The following ADAMTSL1 variants were observed in gnomAD, a reference collection of about 807,000 sequenced individuals.
The protein encoded by ADAMTSL1 is ADAMTS like 1.
Under a neutral mutation model 201.8 loss-of-function variants are expected in ADAMTSL1, and 126 were observed. The observed-to-expected ratio is 0.62, with a 90% CI of 0.54 to 0.72. ADAMTSL1 has a LOEUF of 0.72. ADAMTSL1 is among the 30% of genes least tolerant of loss of function. The pLI, the probability that ADAMTSL1 is intolerant of heterozygous loss-of-function variation, is 0.00. For synonymous variants in ADAMTSL1, 1,121 were observed against 903.4 expected (o/e 1.24, Z -4.32); for missense variants, 2,679 against 2,277.8 (o/e 1.18, Z -3.59).
chr9:18,235,059 C>A (rs1018279061), intron 2 of ADAMTSL1, among the ~76,000 whole-genome samples: 2 of 152,140 alleles, frequency 1.3e-5, no homozygotes, highest in African/African-American at 4.8e-5. Context: ...TAACCAAATC[C>A]TAAATGTTTT....
chr9:18,639,417 C>A lies in ADAMTSL1; in HGVS notation c.834+6C>A. 1 of 1,610,056 alleles carries A rather than the reference C, an allele frequency of 6.2e-7. No individual in the cohort carries two copies. Among genetic ancestry groups the A allele is most frequent in the Admixed American group, 1.7e-5 (1 of 59,432 alleles). ...CAGCAGATTTCATTGTCAAGGTGAG[C>A]CCTATTTAGATACCTCCTTTTCAAG... On this transcript the variant is annotated splice_donor_region_variant and intron_variant, in intron 7 of 28. Coordinates refer to ENST00000380548, the MANE Select transcript of ADAMTSL1 (RefSeq NM_001040272.6).
At chr9:18,883,474 A>G (rs1309636251) in intron 23 of ADAMTSL1, among the ~76,000 whole-genome samples, 1 of 152,152 alleles carries the variant, frequency 6.6e-6, no homozygotes, top group Non-Finnish European at 1.5e-5. Flanking sequence ...AACTCTTTTT[A>G]AGTGCACAGT....
chr9:18,604,962 CA>C (rs1470577769), intron 4 of ADAMTSL1, among the ~76,000 whole-genome samples: 2 of 152,204 alleles, frequency 1.3e-5, no homozygotes, highest in Admixed American at 6.5e-5. Context: ...TACCCTTTAA[CA>C]GCTAGGACAA....
In ADAMTSL1 at chr9:18,872,645, G is replaced by C. The variant is rs116188916; in HGVS notation, c.4250-15186G>C. On this transcript the variant is annotated intron_variant, in intron 23 of 28. Coordinates refer to ENST00000380548, the MANE Select transcript of ADAMTSL1 (RefSeq NM_001040272.6). ...GAATAGTGGTCTCCAATTCCATTCAGGTTGCTGCAAATGCCATTATTTCAT... is the reference window on the plus strand; with the variant it reads ...GAATAGTGGTCTCCAATTCCATTCACGTTGCTGCAAATGCCATTATTTCAT... Among the ~76,000 whole-genome samples, 1,128 of 152,264 alleles carry C rather than the reference G, an allele frequency of 7.4e-3. 22 individuals are homozygous for C. Among genetic ancestry groups the C allele is most frequent in the African/African-American group, 0.026 (1,071 of 41,550 alleles).
At chr9:18,105,614 A>T (rs918436677) in intron 1 of ADAMTSL1, among the ~76,000 whole-genome samples, 1 of 152,208 alleles carries the variant, frequency 6.6e-6, no homozygotes, top group East Asian at 1.9e-4. Flanking sequence ...ACAAGAATGC[A>T]GAAAGTAAAC....
intron 2 of ADAMTSL1, among the ~76,000 whole-genome samples, chr9:18,170,877 G>A (rs574266848): frequency 6.6e-6 from 1 of 152,040 alleles, no homozygotes; most frequent in East Asian, 1.9e-4. Flanking sequence ...TCAGGTTTCT[G>A]TGTTAGTGTT....
In ADAMTSL1 at chr9:18,039,219, G is replaced by C. The variant is rs140501473; in HGVS notation, c.88-124643G>C. Among the ~76,000 whole-genome samples, 1,315 of 152,212 alleles carry C rather than the reference G, an allele frequency of 8.6e-3. 27 individuals are homozygous for C. Among genetic ancestry groups the C allele is most frequent in the African/African-American group, 0.03 (1,244 of 41,526 alleles). On this transcript the variant is annotated intron_variant, in intron 1 of 29. Transcript: ENST00000680146. The stretch of plus-strand genomic sequence containing the variant: ...GTGCCATTAAAAGAAGACTGAATTA[G>C]GTCTGGCATATTTGTTTTATAATAT...
chr9:18,646,146 A>G (rs79224451), intron 7 of ADAMTSL1, among the ~76,000 whole-genome samples: 24,843 of 150,322 alleles, frequency 0.17, 2,219 homozygotes, highest in Middle Eastern at 0.22. Flanking sequence ...ATTCTTTTTG[A>G]AGCAATTGTG....
chr9:18,764,635 T>C (rs1563778732), intron 16 of ADAMTSL1, among the ~76,000 whole-genome samples: 1 of 152,144 alleles, frequency 6.6e-6, no homozygotes, highest in Non-Finnish European at 1.5e-5. Context: ...GCAGAGAAGG[T>C]GTCTGTGTGC....
chr9:17,935,317 T>C (rs951357609), intron 1 of ADAMTSL1, among the ~76,000 whole-genome samples: 5 of 152,124 alleles, frequency 3.3e-5, no homozygotes, highest in Non-Finnish European at 5.9e-5. Context: ...GCACCAGTTC[T>C]TGGACACTTT....
At chr9:18,571,203 G>A (rs1822273272) in intron 3 of ADAMTSL1, among the ~76,000 whole-genome samples, 1 of 152,094 alleles carries the variant, frequency 6.6e-6, no homozygotes, top group Non-Finnish European at 1.5e-5. Flanking sequence ...AAACATAATT[G>A]ACACTTTTAT....
intron 2 of ADAMTSL1, among the ~76,000 whole-genome samples, chr9:18,305,678 C>T (rs73428962): frequency 0.07 from 10,715 of 152,256 alleles, 1,223 homozygotes; most frequent in African/African-American, 0.24. Flanking sequence ...CTGGTAAAGG[C>T]ATCTCTGAAA....
At chr9:18,711,334 CTGGG>C (rs201801747) in intron 14 of ADAMTSL1, among the ~76,000 whole-genome samples, 2,296 of 152,324 alleles carry the variant, frequency 0.015, 17 homozygotes, top group Middle Eastern at 0.031. Flanking sequence ...ATCTGAGGTA[CTGGG>C]TTCATCTCAC....
chr9:18,621,971 T>G (rs1297741309), intron 4 of ADAMTSL1, among the ~76,000 whole-genome samples: 1 of 152,164 alleles, frequency 6.6e-6, no homozygotes. Flanking sequence ...TTTCTCCCCA[T>G]CATTCCCTAC....
At chr9:18,420,777 G>T (rs545783093) in intron 2 of ADAMTSL1, among the ~76,000 whole-genome samples, 1 of 152,250 alleles carries the variant, frequency 6.6e-6, no homozygotes, top group East Asian at 1.9e-4. Context: ...CACTTTAAAA[G>T]GTATATTCCT....
At chr9:18,233,834 T>G (rs989269075) in intron 2 of ADAMTSL1, among the ~76,000 whole-genome samples, 2 of 152,192 alleles carry the variant, frequency 1.3e-5, no homozygotes, top group African/African-American at 4.8e-5. Flanking sequence ...AAGGTTTGTG[T>G]GGCCCTGGGG....
chr9:18,474,067 C>G, upstream of ADAMTSL1: 1 of 588,006 alleles, frequency 1.7e-6, no homozygotes, highest in Admixed American at 2.9e-5. Context: ...CAGCTTACCC[C>G]CCACCCATCC....
chr9:18,326,387 A>T (rs1834831654), intron 2 of ADAMTSL1, among the ~76,000 whole-genome samples: 2 of 151,810 alleles, frequency 1.3e-5, no homozygotes, highest in African/African-American at 4.8e-5. Context: ...TCATCAAGTT[A>T]TACACTTAAG....
At chr9:18,578,607 G>C (rs1220206766) in intron 4 of ADAMTSL1, among the ~76,000 whole-genome samples, 1 of 152,156 alleles carries the variant, frequency 6.6e-6, no homozygotes, top group Non-Finnish European at 1.5e-5. Context: ...GCAAAATGAG[G>C]ATAATAATTG....
Sources: gnomAD v4.1 joint callset for allele counts (sites outside exome capture counted in the v4.1 genomes callset) on GRCh38, gnomAD v4.1.1 for gene constraint, MANE v1.5 for transcripts, NCBI Gene and HGNC (gene_info 2026-07-23, HGNC 2026-07-21) for gene names.